The following ZFHX3 variants were observed in gnomAD, a reference collection of about 807,000 sequenced individuals.
ZFHX3 encodes the protein zinc finger homeobox 3, also known as zinc finger homeobox protein 3.
In ZFHX3, 42 loss-of-function variants were observed where a neutral mutation model predicts 279.1. The observed-to-expected ratio is 0.15, with a 90% CI of 0.12 to 0.19. ZFHX3 has a LOEUF of 0.19. ZFHX3 is among the 10% of genes least tolerant of loss of function. The pLI, the probability that ZFHX3 is intolerant of heterozygous loss-of-function variation, is 1.00. For synonymous variants in ZFHX3, 2,293 were observed against 1,957.8 expected (o/e 1.17, Z -4.52); for missense variants, 4,981 against 4,754.0 (o/e 1.05, Z -1.40).
chr16:73,363,786 AGGAAGAC>A (rs1319617317), intron 3 of ZFHX3, among the ~76,000 whole-genome samples: 1 of 152,154 alleles, frequency 6.6e-6, no homozygotes, highest in African/African-American at 2.4e-5. Flanking sequence ...ACAACAGATA[AGGAAGAC>A]GGATAGCATC....
rs901670701 is a variant in ZFHX3, at chr16:73,048,077, C to CGCCGCCGCCTCCTCCTCT, written c.-393_-376dup. Reference sequence around the variant, plus strand: ...GCGTCCGGGTCCCCGGCCTGCCCGCCGCCGCCGCCTCCTCCTCTGCCGCCG... The same window carrying CGCCGCCGCCTCCTCCTCT: ...GCGTCCGGGTCCCCGGCCTGCCCGCCGCCGCCGCCTCCTCCTCTGCCGCCGCCTCCTCCTCTGCCGCCG... On this transcript the variant is annotated 5_prime_UTR_variant, in exon 1 of 10. Coordinates refer to ENST00000268489, the MANE Select transcript of ZFHX3 (RefSeq NM_006885.4). 6.6e-6 allele frequency: 1 copy of CGCCGCCGCCTCCTCCTCT among 152,648 alleles called. No individual in the cohort carries two copies. Among genetic ancestry groups the CGCCGCCGCCTCCTCCTCT allele is most frequent in the East Asian group, 1.9e-4 (1 of 5,148 alleles). 9.5% of individuals were successfully genotyped at this position (152,648 alleles called of 1,614,324 possible). A position where few individuals can be genotyped will look rare whatever the true frequency, so the allele number is the denominator to read the frequency against.
intron 2 of ZFHX3, among the ~76,000 whole-genome samples, chr16:73,552,724 TC>T (rs112128093): frequency 0.12 from 18,637 of 152,114 alleles, 1,423 homozygotes; most frequent in African/African-American, 0.21. Flanking sequence ...GGCATTTTGT[TC>T]AGTAGCAAAA....
chr16:73,155,887 A>T (rs527550671), intron 5 of ZFHX3, among the ~76,000 whole-genome samples: 6 of 152,250 alleles, frequency 3.9e-5, no homozygotes, highest in Admixed American at 2.0e-4. Flanking sequence ...GTCATTATAT[A>T]TAGTACATAT....
intron 1 of ZFHX3, among the ~76,000 whole-genome samples, chr16:73,767,931 C>A (rs780953867): frequency 1.9e-4 from 29 of 152,264 alleles, no homozygotes; most frequent in Middle Eastern, 3.4e-3. Context: ...TTTAAGGAAA[C>A]AAGACAGGGT....
At chr16:72,896,227 G>A (rs537651500) in intron 3 of ZFHX3, among the ~76,000 whole-genome samples, 5 of 152,270 alleles carry the variant, frequency 3.3e-5, no homozygotes, top group South Asian at 2.1e-4. Flanking sequence ...GCTCACTCAC[G>A]TCAGTCAAAG....
chr16:73,494,510 A>T (rs1434000351), intron 2 of ZFHX3, among the ~76,000 whole-genome samples: 26 of 152,070 alleles, frequency 1.7e-4, no homozygotes. Context: ...TTAGTATTAT[A>T]ATCTTGTTCT....
At chr16:73,483,061 T>G (rs958463311) in intron 2 of ZFHX3, among the ~76,000 whole-genome samples, 3 of 152,194 alleles carry the variant, frequency 2.0e-5, no homozygotes, top group Admixed American at 1.3e-4. Flanking sequence ...CTCTTCCCCC[T>G]CCATGGGGTT....
chr16:73,155,217 AG>A (rs1967049624), intron 5 of ZFHX3, among the ~76,000 whole-genome samples: 1 of 151,976 alleles, frequency 6.6e-6, no homozygotes, highest in South Asian at 2.1e-4. Flanking sequence ...AAAAATAAAA[AG>A]ATTTTTTTTT....
At chr16:73,050,066 A>G (rs1965422029), upstream of ZFHX3, among the ~76,000 whole-genome samples, 1 of 152,200 alleles carries the variant, frequency 6.6e-6, no homozygotes, top group South Asian at 2.1e-4. Flanking sequence ...AGACAACAAG[A>G]AAATGTTGAT....
At chr16:73,024,017 A>G (rs1049798657) in intron 1 of ZFHX3, among the ~76,000 whole-genome samples, 1 of 152,166 alleles carries the variant, frequency 6.6e-6, no homozygotes, top group Non-Finnish European at 1.5e-5. Context: ...CACGTGCAGT[A>G]TTACCATTAA....
At chr16:73,105,153 C>G (rs1401863479) in intron 7 of ZFHX3, among the ~76,000 whole-genome samples, 4 of 151,756 alleles carry the variant, frequency 2.6e-5, no homozygotes, top group African/African-American at 9.7e-5. Flanking sequence ...CGTTTGTAAT[C>G]CCAGCACTTT....
intron 4 of ZFHX3, among the ~76,000 whole-genome samples, chr16:73,311,015 C>G (rs1268746089): frequency 6.6e-6 from 1 of 152,000 alleles, no homozygotes; most frequent in African/African-American, 2.4e-5. Context: ...GGCGGATCAC[C>G]TGAGGTCTGG....
At chr16:73,220,777 T>C (rs2012389227) in intron 5 of ZFHX3, among the ~76,000 whole-genome samples, 3 of 152,018 alleles carry the variant, frequency 2.0e-5, no homozygotes, top group Admixed American at 2.0e-4. Flanking sequence ...TGTGTGTGTG[T>C]TTGTGTGTGT....
chr16:73,153,835 A>G (rs1275704804), intron 5 of ZFHX3, among the ~76,000 whole-genome samples: 1 of 151,856 alleles, frequency 6.6e-6, no homozygotes, highest in Non-Finnish European at 1.5e-5. Context: ...TTTTTAGTAG[A>G]GTCGGGGTTT....
chr16:72,841,391 TG>T (rs1279331976), intron 4 of ZFHX3, among the ~76,000 whole-genome samples: 2 of 152,146 alleles, frequency 1.3e-5, no homozygotes, highest in South Asian at 2.1e-4. Context: ...CCTCCATTAA[TG>T]GGGGAAAAAG....
At chr16:73,006,029 A>C (rs1187320510) in intron 1 of ZFHX3, 2 of 152,208 alleles carry the variant, frequency 1.3e-5, no homozygotes, top group African/African-American at 4.8e-5. Context: ...TTAAATTTAA[A>C]TGTGTCTTGG....
intron 7 of ZFHX3, among the ~76,000 whole-genome samples, chr16:73,102,518 G>T (rs540583767): frequency 6.6e-6 from 1 of 152,098 alleles, no homozygotes; most frequent in Non-Finnish European, 1.5e-5. Context: ...TTTCTTAATC[G>T]CAGGCCCACT....
In ZFHX3 at chr16:73,377,895, T is replaced by C. The variant is rs1403642454; in HGVS notation, c.-1290-59559A>G. Reference sequence around the variant, plus strand: ...AAAAATACAAAAAATGAGCCGGGCGTGGTGCCGAGCGCCTGTAGTCCCAGC... The same window carrying C: ...AAAAATACAAAAAATGAGCCGGGCGCGGTGCCGAGCGCCTGTAGTCCCAGC... On this transcript the variant is annotated intron_variant, in intron 3 of 17. Coordinates refer to the ZFHX3 transcript ENST00000641206. Among the ~76,000 whole-genome samples, 27 of 151,028 alleles carry C rather than the reference T, an allele frequency of 1.8e-4. 1 individual carries two copies. The highest frequency in any genetic ancestry group is 6.1e-4 in the African/African-American group (25 of 41,286).
chr16:72,933,149 G>A (rs749053900), intron 3 of ZFHX3, among the ~76,000 whole-genome samples: 1 of 152,188 alleles, frequency 6.6e-6, no homozygotes, highest in Non-Finnish European at 1.5e-5. Context: ...GACACCTCCT[G>A]AATGGTCAGA....
Sources: gnomAD v4.1 joint callset for allele counts (sites outside exome capture counted in the v4.1 genomes callset) on GRCh38, gnomAD v4.1.1 for gene constraint, MANE v1.5 for transcripts, NCBI Gene and HGNC (gene_info 2026-07-23, HGNC 2026-07-21) for gene names.